PDE5A: variants seen among roughly 807,000 people sequenced by gnomAD.
PDE5A encodes phosphodiesterase 5A, also known as cGMP-specific 3',5'-cyclic phosphodiesterase.
In PDE5A, 67 loss-of-function variants were observed where a neutral mutation model predicts 110.2. The ratio of observed to expected loss-of-function variants is 0.61; its 90% CI spans 0.50 to 0.75. PDE5A has a LOEUF of 0.75. Among genes scored for constraint, PDE5A ranks in the 30% least tolerant of loss-of-function variants. PDE5A has a pLI of 0.00. For missense variants in PDE5A, 862 were observed against 1,045.1 expected (o/e 0.82, Z 2.42); for synonymous variants, 328 against 351.2 (o/e 0.93, Z 0.74).
At chr4:119,600,913 A>G (rs115362416) in intron 2 of PDE5A, among the ~76,000 whole-genome samples, 1,704 of 152,278 alleles carry the variant, frequency 0.011, 33 homozygotes, top group African/African-American at 0.039. Context: ...TATTGGAGAA[A>G]CCTGGTAGAT....
At chr4:119,541,341 A>G (rs1726920731) in intron 10 of PDE5A, among the ~76,000 whole-genome samples, 1 of 151,558 alleles carries the variant, frequency 6.6e-6, no homozygotes, top group South Asian at 2.1e-4. Flanking sequence ...ATATAGATAT[A>G]TGTATATATG....
At chr4:119,543,806 C>T (rs1727034253) in intron 9 of PDE5A, 2 of 152,298 alleles carry the variant, frequency 1.3e-5, no homozygotes, top group Non-Finnish European at 1.5e-5. Context: ...GATCCCTATA[C>T]CTCCTTCCCA....
At chr4:119,577,873 G>A (rs1186649508) in intron 3 of PDE5A, among the ~76,000 whole-genome samples, 5 of 152,210 alleles carry the variant, frequency 3.3e-5, no homozygotes, top group African/African-American at 7.2e-5. Context: ...AGGGTATTCA[G>A]TTAGGAAAAG....
intron 1 of PDE5A, among the ~76,000 whole-genome samples, chr4:119,624,120 G>C (rs1730255477): frequency 6.6e-6 from 1 of 152,044 alleles, no homozygotes; most frequent in African/African-American, 2.4e-5. Flanking sequence ...AGAAAAAAAG[G>C]CCATTATTGC....
chr4:119,579,840 T>TA (rs5861431), intron 3 of PDE5A, among the ~76,000 whole-genome samples: 239 of 145,566 alleles, frequency 1.6e-3, no homozygotes, highest in African/African-American at 4.2e-3. Context: ...TAAAGTATAA[T>TA]AAAAAAAAAA....
At chr4:119,624,418 TGAA>T (rs895235835) in intron 1 of PDE5A, among the ~76,000 whole-genome samples, 49 of 152,096 alleles carry the variant, frequency 3.2e-4, no homozygotes, top group African/African-American at 1.2e-3. Context: ...GGAAAAAAAA[TGAA>T]GGACGGAATT....
chr4:119,517,785 G>T (rs1254691150), intron 14 of PDE5A, among the ~76,000 whole-genome samples: 1 of 151,658 alleles, frequency 6.6e-6, no homozygotes, highest in East Asian at 1.9e-4. Context: ...GTTCAGTGTA[G>T]CACATGCTTA....
chr4:119,570,463 CA>C (rs996239367), intron 3 of PDE5A, among the ~76,000 whole-genome samples: 1 of 151,996 alleles, frequency 6.6e-6, no homozygotes, highest in Non-Finnish European at 1.5e-5. Flanking sequence ...TGTAAAAGCG[CA>C]AAAAAGCCTT....
At chr4:119,517,606 CTT>C (rs35519053) in intron 14 of PDE5A, among the ~76,000 whole-genome samples, 16 of 126,656 alleles carry the variant, frequency 1.3e-4, no homozygotes, top group South Asian at 2.6e-4. Flanking sequence ...CTTTTTCTTT[CTT>C]TTTTTTTTTT....
At chr4:119,510,937 A>T in intron 15 of PDE5A, 110 bp downstream of exon 15, 1 of 729,050 alleles carries the variant, frequency 1.4e-6, no homozygotes, top group South Asian at 2.1e-5. Context: ...AAAAAGGAAT[A>T]AAGTATGTGC....
At chr4:119,609,183 T>C (rs1729652247) in intron 1 of PDE5A, among the ~76,000 whole-genome samples, 1 of 151,606 alleles carries the variant, frequency 6.6e-6, no homozygotes, top group African/African-American at 2.4e-5. Context: ...TAAAAAAAAA[T>C]AGGCAATATC....
chr4:119,616,698 T>C (rs574932465), intron 1 of PDE5A, among the ~76,000 whole-genome samples: 29 of 151,324 alleles, frequency 1.9e-4, no homozygotes, highest in Non-Finnish European at 4.3e-4. Context: ...ACATTTTGTG[T>C]CTTTAGTAAT....
chr4:119,591,238 T>C (rs138423263), intron 3 of PDE5A, among the ~76,000 whole-genome samples: 41 of 152,332 alleles, frequency 2.7e-4, no homozygotes, highest in African/African-American at 9.6e-4. Context: ...AAAGCTCTAT[T>C]AGTTCTACAT....
intron 3 of PDE5A, among the ~76,000 whole-genome samples, chr4:119,569,098 A>T (rs1460021524): frequency 6.6e-6 from 1 of 151,652 alleles, no homozygotes; most frequent in Non-Finnish European, 1.5e-5. Flanking sequence ...CAGTGGCACA[A>T]TCACAGCTCA....
At chr4:119,526,534 G>C (rs1397836707) in intron 11 of PDE5A, among the ~76,000 whole-genome samples, 1 of 152,144 alleles carries the variant, frequency 6.6e-6, no homozygotes. Context: ...GTTTTAGCTA[G>C]ATCAGGCTAT....
intron 3 of PDE5A, among the ~76,000 whole-genome samples, chr4:119,596,185 C>A (rs1560633375): frequency 6.6e-6 from 1 of 151,902 alleles, no homozygotes; most frequent in Non-Finnish European, 1.5e-5. Context: ...TTTATGAATA[C>A]TACTCATACT....
In PDE5A at chr4:119,560,261, T is replaced by C. The variant is rs761040239; in HGVS notation, c.1199+35A>G. On this transcript the variant is annotated intron_variant, in intron 7 of 20. Coordinates refer to ENST00000354960, the MANE Select transcript of PDE5A (RefSeq NM_001083.4). ...TAACTATTTAGCCAATATTATATCA[T>C]GTGATAAAGACAAGTAGAGAATACG... 3.3e-6 allele frequency: 4 copies of C among 1,198,680 alleles called. No individual in the cohort carries two copies. The East Asian group carries it at 7.3e-5, about 22-fold the overall frequency. 74.3% of individuals were successfully genotyped at this position (1,198,680 alleles called of 1,614,324 possible). A position where few individuals can be genotyped will look rare whatever the true frequency, so the allele number is the denominator to read the frequency against.
intron 2 of PDE5A, among the ~76,000 whole-genome samples, chr4:119,601,017 C>T (rs10518335): frequency 0.21 from 31,411 of 152,122 alleles, 3,332 homozygotes; most frequent in Middle Eastern, 0.25. Context: ...GTGTGTGGTA[C>T]AATTAAACAT....
At chr4:119,594,658 C>A (rs1351109018) in intron 3 of PDE5A, among the ~76,000 whole-genome samples, 1 of 152,198 alleles carries the variant, frequency 6.6e-6, no homozygotes, top group Non-Finnish European at 1.5e-5. Flanking sequence ...CATTCACATA[C>A]TTAGTTAATT....
Sources: gnomAD v4.1 joint callset for allele counts (sites outside exome capture counted in the v4.1 genomes callset) on GRCh38, gnomAD v4.1.1 for gene constraint, MANE v1.5 for transcripts, NCBI Gene and HGNC (gene_info 2026-07-23, HGNC 2026-07-21) for gene names.